Variants in VTN observed in about 807,000 individuals in gnomAD.
The protein encoded by VTN is vitronectin.
In VTN, 45 loss-of-function variants were observed where a neutral mutation model predicts 55.9. The observed-to-expected ratio is 0.80, with a 90% CI of 0.63 to 1.03. The LOEUF (loss-of-function observed/expected upper bound fraction) is 1.03. Ranked by LOEUF, VTN falls within the 50% of genes least tolerant of loss-of-function variation. The pLI, the probability that VTN is intolerant of heterozygous loss-of-function variation, is 0.00. For synonymous variants in VTN, 238 were observed against 242.3 expected (o/e 0.98, Z 0.17); for missense variants, 589 against 638.2 (o/e 0.92, Z 0.83).
chr17:28,369,135 G>A lies in VTN; in HGVS notation c.670-107C>T, dbSNP rs560819290. 1.7e-4 allele frequency: 262 copies of A among 1,503,696 alleles called. No individual in the cohort carries two copies. The highest frequency in any genetic ancestry group is 1.9e-4 in the Non-Finnish European group (210 of 1,124,546). 93.1% of individuals were successfully genotyped at this position (1,503,696 alleles called of 1,614,324 possible). A position where few individuals can be genotyped will look rare whatever the true frequency, so the allele number is the denominator to read the frequency against. On this transcript the variant is annotated intron_variant, in intron 4 of 7. Coordinates refer to ENST00000226218, the MANE Select transcript of VTN (RefSeq NM_000638.4). This position sits in a 1 kb window ranked among gnomAD's most constrained non-coding sequence, Gnocchi z 5.3. ...TTCCCAGGTCCAGGTTCACTGCCCA[G>A]GACCTGGAGTCTTGGGGCTGCCCTG...
intron 1 of VTN, 33 bp from the exon 2 acceptor site, chr17:28,370,079 A>G: frequency 6.2e-7 from 1 of 1,613,872 alleles, no homozygotes; most frequent in Non-Finnish European, 8.5e-7. Flanking sequence ...GGTGCCACCA[A>G]GCCCAGACCA....
chr17:28,368,566 T>A lies in VTN; in HGVS notation c.934A>T (p.Ser312Cys). 6.2e-7 allele frequency: 1 copy of A among 1,614,062 alleles called. No homozygotes were observed. The highest frequency in any genetic ancestry group is 2.2e-5 in the East Asian group (1 of 44,892). Reference sequence around the variant, plus strand: ...AGAAGCTCGAAGATGTCCTCCCAGCTGTCCCGCTGCATCATGGCAAAGTGT... The same window carrying A: ...AGAAGCTCGAAGATGTCCTCCCAGCAGTCCCGCTGCATCATGGCAAAGTGT... ...FEHFAMMQRD[S>C]WEDIFELLFW... The change falls in exon 6 of 8, where the codon AGC (serine) becomes TGC (cysteine). Residue 312 changes from serine (S) to cysteine (C), a missense_variant. Around this residue, in one of 3 missense-constraint regions of VTN, gnomAD observed 334 missense variants for 328.2 expected, o/e 1.02. Transcript: ENST00000226218.
Position 28,368,863 on chromosome 17 carries a change from C to G in VTN, c.826+9G>C, listed in dbSNP as rs782345781. The G allele has an allele frequency of 1.1e-5, 17 of 1,613,552 alleles. No individual in the cohort carries two copies. Among genetic ancestry groups the G allele is most frequent in the Admixed American group, 5.0e-5 (3 of 59,920 alleles). On this transcript the variant is annotated intron_variant, in intron 5 of 7. Transcript: ENST00000226218. ...CTGCCTGCTCAGTCTCCCACCACCCCCTGAGTACCCTTGAAGAAGTAGACC... is the reference window on the plus strand; with the variant it reads ...CTGCCTGCTCAGTCTCCCACCACCCGCTGAGTACCCTTGAAGAAGTAGACC...
rs2067915039 is a variant in VTN at position 28,367,558 on chromosome 17, T to C, written c.1325-77A>G. The C allele has an allele frequency of 1.6e-5, 23 of 1,448,972 alleles. No individual in the cohort carries two copies. In the South Asian group the frequency reaches 2.5e-4, roughly 16 times the overall value. The allele number at this position is 1,448,972 out of a possible 1,614,324, so 89.8% of individuals were successfully genotyped here. On this transcript the variant is annotated intron_variant, in intron 7 of 7. Coordinates refer to ENST00000226218, the MANE Select transcript of VTN (RefSeq NM_000638.4). ...CTCTTCCCTTGAGAAGTCTAGGGTC[T>C]CTCCCAGAAGGGAAAGTGAACATCC...
chr17:28,368,168 C>T (rs2067922637), intron 6 of VTN, 109 bp from the exon 7 acceptor site: 5 of 978,244 alleles, frequency 5.1e-6, no homozygotes, highest in Non-Finnish European at 3.0e-6. Context: ...CACACAGCAG[C>T]GAATGGCAGA....
At chr17:28,368,257 C>G (rs2067923465) in intron 6 of VTN, among the ~76,000 whole-genome samples, 198 bp from the exon 7 acceptor site, 1 of 151,998 alleles carries the variant, frequency 6.6e-6, no homozygotes, top group Admixed American at 6.6e-5. Flanking sequence ...TCGACCCCAC[C>G]CCCCCAGGCC....
Position 28,368,994 on chromosome 17 carries a change from A to G in VTN, c.704T>C (p.Leu235Pro). The G allele has an allele frequency of 6.3e-7, 1 of 1,598,440 alleles. No homozygotes were observed. The highest frequency in any genetic ancestry group is 2.2e-5 in the East Asian group (1 of 44,848). Residue 235 changes from leucine (L) to proline (P), a missense_variant, in exon 5 of 8, where the codon CTG becomes CCG. Leu to Pro is a moderately conservative substitution (Grantham distance 98). This residue lies in a region of VTN where 38 missense variants were observed against 68.8 expected (regional missense o/e 0.55). Transcript: ENST00000226218. ...SQYWRFEDGV[L>P]DPDYPRNISD... is the part of the protein sequence containing the mutation. ...GATATTTCGGGGGTAATCAGGGTCC[A>G]GGACACCATCCTCAAAGCGCCAGTA...
chr17:28,369,825 G>T lies in VTN; in HGVS notation c.211C>A (p.Pro71Thr). Residue 71 changes from proline to threonine, a missense_variant, in exon 3 of 8, where the codon CCG (proline) becomes ACG (threonine). Physicochemically the swap from Pro to Thr is conservative, Grantham distance 38. This residue lies in a region of VTN where 217 missense variants were observed against 241.3 expected (regional missense o/e 0.90). Transcript: ENST00000226218. The surrounding 1 kb of genome is among the most constrained non-coding windows in gnomAD (Gnocchi z 5.3). Reference protein sequence around the residue: ...QVTRGDVFTMPEDEYTVYDDG... With the variant: ...QVTRGDVFTMTEDEYTVYDDG... ...TCATAGACCGTGTACTCATCCTCCG[G>T]CATAGTGAACACATCCCCGCGAGTC... The T allele has an allele frequency of 6.2e-7, 1 of 1,613,196 alleles. No homozygotes were observed. Among genetic ancestry groups the T allele is most frequent in the South Asian group, 1.1e-5 (1 of 91,062 alleles).
chr17:28,368,644 G>A lies in VTN; in HGVS notation c.856C>T (p.His286Tyr). 6.2e-7 allele frequency: 1 copy of A among 1,613,880 alleles called. No individual in the cohort carries two copies. The highest frequency in any genetic ancestry group is 8.5e-7 in the Non-Finnish European group (1 of 1,180,014). Residue 286 changes from histidine to tyrosine, a missense_variant, in exon 6 of 8, where the codon CAC becomes TAC. His to Tyr is a moderately conservative substitution (Grantham distance 83, BLOSUM62 2). Transcript: ENST00000226218. ...GKQYWEYQFQ[H>Y]QPSQEECEGS... Reference sequence around the variant, plus strand: ...TCACACTCCTCCTGACTGGGCTGGTGCTGGAACTGGTACTCCCAGTACTGT... The same window carrying A: ...TCACACTCCTCCTGACTGGGCTGGTACTGGAACTGGTACTCCCAGTACTGT...
rs782417468 is a variant in VTN at position 28,367,406 on chromosome 17, T to C, written c.1400A>G (p.Gln467Arg). The change falls in exon 8 of 8, where the codon CAG becomes CGG. Residue 467 changes from glutamine to arginine, a missense_variant. Around this residue, in one of 3 missense-constraint regions of VTN, gnomAD observed 334 missense variants for 328.2 expected, o/e 1.02. Coordinates refer to ENST00000226218, the MANE Select transcript of VTN (RefSeq NM_000638.4). ...AGGAGCTGGGCAGCCCAGCCAGTAC[T>C]GAGCGATGGAGCGTGGGTAGGGAGG... The part of the protein sequence containing the change: ...VDPPYPRSIA[Q>R]YWLGCPAPGH... 1 of 1,611,942 alleles carries C rather than the reference T, an allele frequency of 6.2e-7. No individual in the cohort carries two copies. The highest frequency in any genetic ancestry group is 8.5e-7 in the Non-Finnish European group (1 of 1,179,414).
Position 28,367,749 on chromosome 17 carries a change from A to G in VTN, c.1290T>C (p.Cys430=). 1 of 1,613,806 alleles carries G rather than the reference A, an allele frequency of 6.2e-7. No individual in the cohort carries two copies. Among genetic ancestry groups the G allele is most frequent in the Non-Finnish European group, 8.5e-7 (1 of 1,179,942 alleles). ...YRMDWLVPAT[C]EPIQSVFFFS... ...AGAAGAAGACACTCTGGATGGGTTC[A>G]CAGGTGGCAGGCACAAGCCAGTCCA... The change falls in exon 7 of 8, where the codon TGT becomes TGC. Residue 430 remains cysteine (C), a synonymous_variant. Transcript: ENST00000226218.
In VTN at chr17:28,367,389, G is replaced by T; in HGVS notation, c.1417C>A (p.Pro473Thr). Residue 473 changes from proline (P) to threonine (T), a missense_variant, in exon 8 of 8, where the codon CCA becomes ACA. Physicochemically the swap from Pro to Thr is conservative, Grantham distance 38. This residue lies in a region of VTN where 334 missense variants were observed against 328.2 expected (regional missense o/e 1.02). Coordinates refer to ENST00000226218, the MANE Select transcript of VTN (RefSeq NM_000638.4). ...GACTCCTACAGATGGCCAGGAGCTG[G>T]GCAGCCCAGCCAGTACTGAGCGATG... The part of the protein sequence containing the change: ...RSIAQYWLGC[P>T]APGHL 1 of 1,597,662 alleles carries T rather than the reference G, an allele frequency of 6.3e-7. No homozygotes were observed. The highest frequency in any genetic ancestry group is 8.5e-7 in the Non-Finnish European group (1 of 1,174,136).
chr17:28,370,139 C>G lies in VTN; in HGVS notation c.64+1G>C. The stretch of plus-strand genomic sequence containing the variant: ...AGATGGCCACCAACACTCCCCTGTA[C>G]CTTGGTCAGCCAGAGCAACCCATGC... On this transcript the variant is annotated splice_donor_variant, in intron 1 of 7. Coordinates refer to ENST00000226218, the MANE Select transcript of VTN (RefSeq NM_000638.4). LOFTEE classifies it high-confidence loss of function. 1 of 1,613,786 alleles carries G rather than the reference C, an allele frequency of 6.2e-7. No individual in the cohort carries two copies. The highest frequency in any genetic ancestry group is 8.5e-7 in the Non-Finnish European group (1 of 1,179,768).
In VTN at chr17:28,369,688, C is replaced by T; in HGVS notation, c.348G>A (p.Leu116=). Residue 116 remains leucine, a synonymous_variant, in exon 3 of 8, where the codon CTG becomes CTA. Coordinates refer to ENST00000226218, the MANE Select transcript of VTN (RefSeq NM_000638.4). This position sits in a 1 kb window ranked among gnomAD's most constrained non-coding sequence, Gnocchi z 5.3. ...GCGCAGGGGCCTCTTCCTCAGGTTTCAGAACAGGTGTCTGCTCAGGATTCC... is the reference window on the plus strand; with the variant it reads ...GCGCAGGGGCCTCTTCCTCAGGTTTTAGAACAGGTGTCTGCTCAGGATTCC... The part of the protein sequence containing the change: ...SKGNPEQTPV[L]KPEEEAPAPE... 1 of 1,613,786 alleles carries T rather than the reference C, an allele frequency of 6.2e-7. No individual in the cohort carries two copies. The highest frequency in any genetic ancestry group is 8.5e-7 in the Non-Finnish European group (1 of 1,179,996).
At position 28,368,686 on chromosome 17, in the gene VTN, G is replaced by A. The variant is rs782573730; in HGVS notation, c.827-13C>T. ...CAGTACTGTTTCCCTGAGGAGCAGG[G>A]TGGTGGGCATTAGGAGGGCTGGGCC... On this transcript the variant is annotated splice_polypyrimidine_tract_variant and intron_variant, in intron 5 of 7. Coordinates refer to ENST00000226218, the MANE Select transcript of VTN (RefSeq NM_000638.4). 81 of 1,612,636 alleles carry A rather than the reference G, an allele frequency of 5.0e-5. No homozygotes were observed. The highest frequency in any genetic ancestry group is 6.4e-5 in the Non-Finnish European group (76 of 1,179,280).
rs544125437 is a variant in VTN at position 28,369,082 on chromosome 17, G to C, written c.670-54C>G. The C allele has an allele frequency of 7.9e-5, 121 of 1,537,716 alleles. No homozygotes were observed. Among genetic ancestry groups the C allele is most frequent in the Admixed American group, 2.7e-4 (12 of 44,814 alleles). ...ATGGAGGCCGCTGGCTGGGCACAGAGGCAGAGTCCCTTGCCCTAAGGCAGC... is the reference window on the plus strand; with the variant it reads ...ATGGAGGCCGCTGGCTGGGCACAGACGCAGAGTCCCTTGCCCTAAGGCAGC... On this transcript the variant is annotated intron_variant, in intron 4 of 7. Coordinates refer to ENST00000226218, the MANE Select transcript of VTN (RefSeq NM_000638.4). The surrounding 1 kb of genome is among the most constrained non-coding windows in gnomAD (Gnocchi z 5.3).
chr17:28,368,255 A>AC (rs1260139303), intron 6 of VTN, among the ~76,000 whole-genome samples, 196 bp from the exon 7 acceptor site: 36 of 64,750 alleles, frequency 5.6e-4, no homozygotes, highest in Admixed American at 2.4e-3. Context: ...TCTCGACCCC[A>AC]CCCCCCCAGG....
In VTN at chr17:28,370,281, G is replaced by A; in HGVS notation, c.-78C>T. 1 of 1,505,886 alleles carries A rather than the reference G, an allele frequency of 6.6e-7. No homozygotes were observed. 93.3% of individuals were successfully genotyped at this position (1,505,886 alleles called of 1,614,324 possible). Reference sequence around the variant, plus strand: ...TCTCCGCTCTGATGCCTGAGGAAGGGAGGGAGAGGCAGAGACAGGGAAGGA... The same window carrying A: ...TCTCCGCTCTGATGCCTGAGGAAGGAAGGGAGAGGCAGAGACAGGGAAGGA... On this transcript the variant is annotated 5_prime_UTR_variant, in exon 1 of 8. Coordinates refer to ENST00000226218, the MANE Select transcript of VTN (RefSeq NM_000638.4).
Position 28,369,183 on chromosome 17 carries a change from T to G in VTN, c.669+106A>C. The G allele has an allele frequency of 1.3e-6, 2 of 1,503,162 alleles. No individual in the cohort carries two copies. Among genetic ancestry groups the G allele is most frequent in the Non-Finnish European group, 1.8e-6 (2 of 1,123,350 alleles). 93.1% of individuals were successfully genotyped at this position (1,503,162 alleles called of 1,614,324 possible). A position where few individuals can be genotyped will look rare whatever the true frequency, so the allele number is the denominator to read the frequency against. The stretch of plus-strand genomic sequence containing the variant: ...CTGTGCTCACAGAGCTCCCACCAGG[T>G]CCTGCAGGGCCCTGGGTCCAGCTTC... On this transcript the variant is annotated intron_variant, in intron 4 of 7. Coordinates refer to ENST00000226218, the MANE Select transcript of VTN (RefSeq NM_000638.4). This position sits in a 1 kb window ranked among gnomAD's most constrained non-coding sequence, Gnocchi z 5.3.
Sources: allele counts gnomAD v4.1 joint callset (sites outside exome capture counted in the v4.1 genomes callset), GRCh38; gene constraint gnomAD v4.1.1; regional missense constraint gnomAD v4.1.1; non-coding constraint Gnocchi (gnomAD v3.1); transcripts MANE v1.5; gene names NCBI Gene and HGNC (gene_info 2026-07-23, HGNC 2026-07-21).